Variants in SLC4A4 observed in about 807,000 individuals in gnomAD.
SLC4A4 encodes solute carrier family 4 member 4.
A neutral mutation model predicts 111.5 loss-of-function variants in SLC4A4; 27 were observed. The ratio of observed to expected loss-of-function variants is 0.24; its 90% confidence interval spans 0.18 to 0.33. The LOEUF is 0.33. SLC4A4 is among the 10% of genes least tolerant of loss of function. The probability of loss-of-function intolerance (pLI) is 1.00; values close to 1 mark genes in which losing one functional copy is unlikely to be tolerated. For synonymous variants in SLC4A4, 443 were observed against 463.4 expected, an observed-to-expected ratio of 0.96 and a Z score of 0.57; for missense variants, 909 against 1,315.5, an observed-to-expected ratio of 0.69 and a Z score of 4.78.
rs183006422 is a variant in SLC4A4 at position 71,129,499 on chromosome 4, A to T, written c.-2+36707A>T. Among the ~76,000 whole-genome samples, 23 of 152,318 alleles carry T rather than the reference A, an allele frequency of 1.5e-4. No individual in the cohort carries two copies. In the East Asian group the frequency reaches 3.7e-3, roughly 24 times the overall value. On this transcript the variant is annotated intron_variant, in intron 2 of 26. Transcript: ENST00000649996. ...GGCAAGGTTGCAGAGAAAAGGGAAT[A>T]CTTATACACTGCTGGTGGGAATGTA... is the stretch of plus-strand genomic sequence containing the variant.
chr4:71,214,979 G>A (rs553226528), intron 1 of SLC4A4, among the ~76,000 whole-genome samples: 6 of 152,236 alleles, frequency 3.9e-5, no homozygotes, highest in Non-Finnish European at 7.3e-5. Flanking sequence ...TGATTTCCTA[G>A]TGTGCTTAGG....
chr4:71,437,148 C>A, intron 7 of SLC4A4: 1 of 459,492 alleles, frequency 2.2e-6, no homozygotes, highest in South Asian at 1.7e-5. Flanking sequence ...TCAGATCCGT[C>A]AGAGGGATGC....
intron 3 of SLC4A4, among the ~76,000 whole-genome samples, chr4:71,257,582 A>C (rs1721546992): frequency 6.6e-6 from 1 of 152,206 alleles, no homozygotes; most frequent in Non-Finnish European, 1.5e-5. Flanking sequence ...TGGCACCAAC[A>C]TGATGACAAA....
intron 7 of SLC4A4, among the ~76,000 whole-genome samples, chr4:71,428,335 G>T (rs1407465780): frequency 6.6e-6 from 1 of 152,058 alleles, no homozygotes; most frequent in Non-Finnish European, 1.5e-5. Flanking sequence ...CTAAAAGCCA[G>T]TCTCAGTGAG....
At chr4:71,116,123 G>A (rs1020055097) in intron 2 of SLC4A4, among the ~76,000 whole-genome samples, 1 of 152,150 alleles carries the variant, frequency 6.6e-6, no homozygotes, top group African/African-American at 2.4e-5. Context: ...TTGAATTCCT[G>A]ACCTCACGTG....
chr4:71,260,067 G>A (rs1306455011), intron 3 of SLC4A4, among the ~76,000 whole-genome samples: 1 of 152,158 alleles, frequency 6.6e-6, no homozygotes, highest in Non-Finnish European at 1.5e-5. Context: ...CTTTTTGGAT[G>A]TGTACCAGAA....
At chr4:71,278,757 CTAAT>C (rs1723272361) in intron 3 of SLC4A4, among the ~76,000 whole-genome samples, 1 of 152,086 alleles carries the variant, frequency 6.6e-6, no homozygotes, top group Admixed American at 6.5e-5. Context: ...GGGAAAATGT[CTAAT>C]TAGGTCCTTT....
intron 2 of SLC4A4, among the ~76,000 whole-genome samples, chr4:71,099,591 CA>C (rs1480551144): frequency 6.6e-6 from 1 of 151,956 alleles, no homozygotes; most frequent in Non-Finnish European, 1.5e-5. Context: ...TAACCCAAAT[CA>C]GAGCTGAACT....
At chr4:71,067,682 A>T (rs536808390) in intron 1 of SLC4A4, among the ~76,000 whole-genome samples, 12 of 152,316 alleles carry the variant, frequency 7.9e-5, no homozygotes, top group African/African-American at 2.6e-4. Flanking sequence ...GTTGTGACTG[A>T]ATAAAAGGAA....
intron 1 of SLC4A4, among the ~76,000 whole-genome samples, chr4:71,076,895 C>G (rs1741848047): frequency 6.6e-6 from 1 of 151,692 alleles, no homozygotes; most frequent in Non-Finnish European, 1.5e-5. Context: ...GAGGCTGAGA[C>G]AGGAGAATTG....
chr4:71,438,275 A>C (rs1334317796), intron 7 of SLC4A4, among the ~76,000 whole-genome samples: 3 of 152,216 alleles, frequency 2.0e-5, no homozygotes, highest in Non-Finnish European at 4.4e-5. Context: ...AAACACGCTG[A>C]AACTAAGTAC....
At chr4:71,088,009 A>G (rs1325314960) in intron 1 of SLC4A4, among the ~76,000 whole-genome samples, 1 of 151,994 alleles carries the variant, frequency 6.6e-6, no homozygotes, top group African/African-American at 2.4e-5. Context: ...GTGGGGTGTT[A>G]AAATCTCCCA....
chr4:71,102,814 T>C (rs1322852646), intron 2 of SLC4A4, among the ~76,000 whole-genome samples: 2 of 147,670 alleles, frequency 1.4e-5, no homozygotes, highest in South Asian at 2.1e-4. Context: ...TGCTGCAAAA[T>C]CATGCCAAAA....
chr4:71,156,809 C>A (rs1189578195), intron 2 of SLC4A4, among the ~76,000 whole-genome samples: 1 of 152,132 alleles, frequency 6.6e-6, no homozygotes, highest in Non-Finnish European at 1.5e-5. Flanking sequence ...TAGTTTTTGG[C>A]CTCGTTTCAA....
chr4:71,104,042 AAAAG>A (rs1360599888), intron 2 of SLC4A4, among the ~76,000 whole-genome samples: 1 of 77,488 alleles, frequency 1.3e-5, no homozygotes. Context: ...AATAAAGAAA[AAAAG>A]AGAGAAGAAT....
chr4:71,310,381 G>A (rs530162747), intron 3 of SLC4A4, among the ~76,000 whole-genome samples: 7 of 152,162 alleles, frequency 4.6e-5, no homozygotes, highest in East Asian at 3.9e-4. Context: ...ACACATAATT[G>A]TCAGATTCTC....
intron 2 of SLC4A4, among the ~76,000 whole-genome samples, chr4:71,105,500 C>T (rs1376336490): frequency 4.6e-5 from 7 of 151,738 alleles, no homozygotes; most frequent in Non-Finnish European, 1.0e-4. Flanking sequence ...CTGGAGGCAT[C>T]ACACTACCTG....
chr4:71,356,451 CA>C (rs1730291194), intron 5 of SLC4A4, among the ~76,000 whole-genome samples: 1 of 152,246 alleles, frequency 6.6e-6, no homozygotes, highest in Admixed American at 6.5e-5. Flanking sequence ...GAAAAGACTA[CA>C]ACATAATTTT....
chr4:71,372,112 C>T (rs535276983), intron 6 of SLC4A4, among the ~76,000 whole-genome samples: 1 of 152,184 alleles, frequency 6.6e-6, no homozygotes, highest in Non-Finnish European at 1.5e-5. Context: ...TAAAGTTTAT[C>T]TTTAAAGATT....
Sources: allele counts gnomAD v4.1 joint callset (sites outside exome capture counted in the v4.1 genomes callset), GRCh38; gene constraint gnomAD v4.1.1; transcripts MANE v1.5; gene names NCBI Gene and HGNC (gene_info 2026-07-23, HGNC 2026-07-21).